Variants in PDGFRL observed in about 807,000 individuals in gnomAD.
The protein encoded by PDGFRL is platelet-derived growth factor receptor-like protein.
PDGFRL carries 46 observed loss-of-function variants against 37.2 expected under a neutral mutation model. The ratio of observed to expected loss-of-function variants is 1.24; its 90% CI spans 0.98 to 1.58. The LOEUF is 1.58. PDGFRL is among the 40% of genes most tolerant of loss of function. The pLI, the probability that PDGFRL is intolerant of heterozygous loss-of-function variation, is 0.00. For missense variants in PDGFRL, 692 were observed against 467.6 expected, an observed-to-expected ratio of 1.48 and a Z score of -4.43; for synonymous variants, 251 against 184.3, an observed-to-expected ratio of 1.36 and a Z score of -2.93.
intron 2 of PDGFRL, among the ~76,000 whole-genome samples, chr8:17,602,323 C>T (rs965703097): frequency 6.6e-6 from 1 of 152,126 alleles, no homozygotes; most frequent in Non-Finnish European, 1.5e-5. Flanking sequence ...GACAAGCTGG[C>T]AAGTGGCTGC....
Position 17,621,110 on chromosome 8 carries a change from C to T in PDGFRL, c.413C>T (p.Thr138Ile), listed in dbSNP as rs1050736110. 27 of 1,611,894 alleles carry T rather than the reference C, an allele frequency of 1.7e-5. No homozygotes were observed. The highest frequency in any genetic ancestry group is 2.1e-5 in the Non-Finnish European group (25 of 1,178,408). ...CTGGTCAACTCCACCTCGGCAGACA[C>T]AGGTGAATTCAGCTGCTGGGTGCAG... ...LTLVNSTSAD[T>I]GEFSCWVQLC... The change falls in exon 3 of 6, where the codon ACA becomes ATA. Residue 138 changes from threonine to isoleucine, a missense_variant. By Grantham distance (89) the Thr-to-Ile change is moderately conservative. Coordinates refer to ENST00000251630, the MANE Select transcript of PDGFRL (RefSeq NM_001372073.1).
At chr8:17,634,717 A>G (rs1804934686) in intron 5 of PDGFRL, among the ~76,000 whole-genome samples, 1 of 152,178 alleles carries the variant, frequency 6.6e-6, no homozygotes, top group South Asian at 2.1e-4. Flanking sequence ...CTAACACAGA[A>G]ACAGAAAACC....
intron 2 of PDGFRL, among the ~76,000 whole-genome samples, chr8:17,620,559 TAGTTTA>T (rs1236472912): frequency 2.0e-5 from 3 of 152,182 alleles, no homozygotes; most frequent in Non-Finnish European, 4.4e-5. Context: ...CTAAAGTCCG[TAGTTTA>T]AGTTAGGGTT....
intron 2 of PDGFRL, among the ~76,000 whole-genome samples, chr8:17,609,789 C>G (rs1301684523): frequency 6.6e-6 from 1 of 152,036 alleles, no homozygotes; most frequent in Non-Finnish European, 1.5e-5. Context: ...GCCACAGAGC[C>G]TAAGAGACTT....
chr8:17,611,238 G>A (rs181009424), intron 2 of PDGFRL, among the ~76,000 whole-genome samples: 1 of 152,174 alleles, frequency 6.6e-6, no homozygotes, highest in South Asian at 2.1e-4. Context: ...AGTTCTGAAA[G>A]TACTCTTGGC....
At chr8:17,606,438 G>T (rs981466151) in intron 2 of PDGFRL, among the ~76,000 whole-genome samples, 2 of 152,072 alleles carry the variant, frequency 1.3e-5, no homozygotes, top group African/African-American at 4.8e-5. Flanking sequence ...AATTTGCAGT[G>T]GCCAGTCAAA....
intron 3 of PDGFRL, among the ~76,000 whole-genome samples, chr8:17,627,989 C>CTTTTTTTTTTTTTTTTTTTT (rs35707610): frequency 1.2e-4 from 11 of 89,210 alleles, no homozygotes; most frequent in Non-Finnish European, 2.0e-4. Flanking sequence ...TTCTTTCTTT[C>CTTTTTTTTTTTTTTTTTTTT]TTTTTTTTTT....
At chr8:17,628,032 C>T (rs1345847394) in intron 3 of PDGFRL, among the ~76,000 whole-genome samples, 64 of 118,384 alleles carry the variant, frequency 5.4e-4, no homozygotes, top group African/African-American at 1.5e-3. Flanking sequence ...CTGGCTCTGT[C>T]GCCCAGGCTG....
At chr8:17,634,694 T>C (rs753028095) in intron 5 of PDGFRL, among the ~76,000 whole-genome samples, 2 of 152,164 alleles carry the variant, frequency 1.3e-5, no homozygotes, top group African/African-American at 2.4e-5. Flanking sequence ...TGGAGGCCAT[T>C]ATCCTTAGCA....
chr8:17,632,064 T>A (rs1804873051), intron 4 of PDGFRL, among the ~76,000 whole-genome samples: 1 of 152,202 alleles, frequency 6.6e-6, no homozygotes. Flanking sequence ...AGTGCCATCC[T>A]CCCTGGACCT....
intron 5 of PDGFRL, among the ~76,000 whole-genome samples, chr8:17,636,417 A>C (rs1804970330): frequency 6.6e-6 from 1 of 152,054 alleles, no homozygotes; most frequent in Non-Finnish European, 1.5e-5. Context: ...GTCAAAGATC[A>C]GTGTAAGTAT....
intron 1 of PDGFRL, among the ~76,000 whole-genome samples, chr8:17,582,967 C>T (rs1407438874): frequency 6.6e-6 from 1 of 152,134 alleles, no homozygotes; most frequent in Non-Finnish European, 1.5e-5. Context: ...CTAGCCTTCA[C>T]TTAAAAGGTC....
chr8:17,619,518 C>T (rs895846140), intron 2 of PDGFRL, among the ~76,000 whole-genome samples: 18 of 152,082 alleles, frequency 1.2e-4, no homozygotes, highest in African/African-American at 4.3e-4. Context: ...TCGAAATGCC[C>T]AAACCCTTTA....
intron 2 of PDGFRL, among the ~76,000 whole-genome samples, chr8:17,609,756 G>A (rs3889338): frequency 0.2 from 30,073 of 150,540 alleles, 3,144 homozygotes; most frequent in South Asian, 0.35. Flanking sequence ...TGAACCCTAC[G>A]TTTTAAAAAG....
chr8:17,628,292 C>G (rs945938732), intron 3 of PDGFRL, among the ~76,000 whole-genome samples, 195 bp from the exon 4 acceptor site: 2 of 152,134 alleles, frequency 1.3e-5, no homozygotes, highest in African/African-American at 2.4e-5. Flanking sequence ...CCGCGCCCAG[C>G]CTTCTGTTTT....
At chr8:17,619,599 C>G (rs1392411274) in intron 2 of PDGFRL, among the ~76,000 whole-genome samples, 1 of 152,140 alleles carries the variant, frequency 6.6e-6, no homozygotes, top group African/African-American at 2.4e-5. Flanking sequence ...CGTTTTCTTC[C>G]TAAAAGAAAG....
chr8:17,615,244 GT>G (rs1804499608), intron 2 of PDGFRL, among the ~76,000 whole-genome samples: 1 of 152,006 alleles, frequency 6.6e-6, no homozygotes, highest in African/African-American at 2.4e-5. Flanking sequence ...ACAGTGTACC[GT>G]TTCTACTATG....
At chr8:17,604,301 C>T (rs1235439499) in intron 2 of PDGFRL, among the ~76,000 whole-genome samples, 1 of 152,134 alleles carries the variant, frequency 6.6e-6, no homozygotes, top group Non-Finnish European at 1.5e-5. Context: ...TTTATAGCGG[C>T]ACTATTCACA....
chr8:17,597,515 A>G (rs1028701804), intron 2 of PDGFRL, among the ~76,000 whole-genome samples: 3 of 150,860 alleles, frequency 2.0e-5, no homozygotes, highest in Non-Finnish European at 4.4e-5. Flanking sequence ...AGCTCTAGGA[A>G]GTAAAATGCC....
Sources: gnomAD v4.1 joint callset for allele counts (sites outside exome capture counted in the v4.1 genomes callset) on GRCh38, gnomAD v4.1.1 for gene constraint, MANE v1.5 for transcripts, NCBI Gene and HGNC (gene_info 2026-07-23, HGNC 2026-07-21) for gene names.